The following CCDC91 variants were observed in gnomAD, a reference collection of about 807,000 sequenced individuals.
CCDC91 encodes coiled-coil domain-containing protein 91.
CCDC91 carries 48 observed loss-of-function variants against 63.2 expected under a neutral mutation model. That is an observed-to-expected ratio of 0.76 (90% confidence interval 0.60 to 0.97). CCDC91 has a LOEUF of 0.97. CCDC91 is among the 50% of genes least tolerant of loss of function. CCDC91 has a pLI of 0.00. For missense variants in CCDC91, 500 were observed against 494.6 expected (o/e 1.01, Z -0.10); for synonymous variants, 167 against 165.8 (o/e 1.01, Z -0.06).
intron 7 of CCDC91, among the ~76,000 whole-genome samples, chr12:28,371,080 T>TTGGTATAAAGTCTATTTTTTTC (rs1944589661): frequency 6.6e-6 from 1 of 152,166 alleles, no homozygotes; most frequent in Non-Finnish European, 1.5e-5. Context: ...AGATTTTTTT[T>TTGGTATAAAGTCTATTTTTTTC]TTGGTATAAA....
chr12:28,417,008 A>G (rs549221846), intron 8 of CCDC91, among the ~76,000 whole-genome samples: 1 of 151,790 alleles, frequency 6.6e-6, no homozygotes, highest in Non-Finnish European at 1.5e-5. Context: ...ATGTATATGG[A>G]TCTCTTGAGC....
chr12:28,465,944 T>C (rs1950528020), intron 11 of CCDC91, among the ~76,000 whole-genome samples: 1 of 152,082 alleles, frequency 6.6e-6, no homozygotes, highest in Non-Finnish European at 1.5e-5. Flanking sequence ...GAATTCAGAA[T>C]TCTATCAGGT....
At chr12:28,332,912 T>C (rs138990309) in intron 6 of CCDC91, among the ~76,000 whole-genome samples, 42 of 152,234 alleles carry the variant, frequency 2.8e-4, no homozygotes, top group Non-Finnish European at 4.3e-4. Flanking sequence ...GGCAGCACCT[T>C]ACTACTATGC....
intron 1 of CCDC91, among the ~76,000 whole-genome samples, chr12:28,221,204 T>C (rs557709276): frequency 1.3e-5 from 2 of 152,262 alleles, no homozygotes; most frequent in South Asian, 4.1e-4. Context: ...ATCTTTTATG[T>C]TTTTTGTTTC....
Position 28,205,173 on chromosome 12 carries a change from TAGAGAGAAAGGAGAGTGA to T in CCDC91, c.-15+14541_-15+14558del, listed in dbSNP as rs1942750305. On this transcript the variant is annotated intron_variant, in intron 1 of 12. Transcript: ENST00000536442. ...GTTTTGTCAGGAATATGCTCAATTA[TAGAGAGAAAGGAGAGTGA>T]AGAGAGAAGGGAGAATGAAGAGGGA... 3.3e-5 allele frequency among the ~76,000 whole-genome samples: 5 copies of T among 151,922 alleles called. No homozygotes were observed. In the South Asian group the frequency reaches 1.0e-3, roughly 32 times the overall value.
intron 7 of CCDC91, among the ~76,000 whole-genome samples, chr12:28,366,415 A>G (rs1182281060): frequency 6.6e-6 from 1 of 152,234 alleles, no homozygotes; most frequent in East Asian, 1.9e-4. Flanking sequence ...AGTAAGACAG[A>G]AAACTATTAG....
intron 12 of CCDC91, among the ~76,000 whole-genome samples, chr12:28,534,771 A>AG (rs1209185457): frequency 1.3e-5 from 2 of 152,188 alleles, no homozygotes; most frequent in Non-Finnish European, 2.9e-5. Flanking sequence ...GCTATATTTG[A>AG]GAAAAACTAC....
chr12:28,439,232 G>C lies in CCDC91; in HGVS notation c.763-10929G>C, dbSNP rs554095431. 2.6e-5 allele frequency among the ~76,000 whole-genome samples: 4 copies of C among 152,162 alleles called. No homozygotes were observed. The South Asian group carries it at 8.3e-4, about 32-fold the overall frequency. On this transcript the variant is annotated intron_variant, in intron 8 of 12. Coordinates refer to ENST00000536442, the MANE Select transcript of CCDC91 (RefSeq NM_018318.5). ...AAGAAGCTTATTGCTATTATTTTGG[G>C]CTTGTGGTAACTTCTTTAAGTAGAT... is the stretch of plus-strand genomic sequence containing the variant.
chr12:28,312,661 C>T (rs1363896249), intron 6 of CCDC91, among the ~76,000 whole-genome samples: 5 of 151,972 alleles, frequency 3.3e-5, no homozygotes, highest in Admixed American at 6.6e-5. Context: ...GGCTGTGTCC[C>T]CACTCAAATC....
At chr12:28,258,209 A>G (rs548748302) in intron 2 of CCDC91, among the ~76,000 whole-genome samples, 1 of 151,988 alleles carries the variant, frequency 6.6e-6, no homozygotes, top group East Asian at 1.9e-4. Flanking sequence ...TATGCTTAAT[A>G]TTTTGGTTTT....
At chr12:28,415,245 TGGA>T (rs1947570762) in intron 8 of CCDC91, among the ~76,000 whole-genome samples, 1 of 151,484 alleles carries the variant, frequency 6.6e-6, no homozygotes, top group Non-Finnish European at 1.5e-5. Flanking sequence ...TTTTTTGAGA[TGGA>T]GTTTTGCTGT....
chr12:28,399,852 G>A (rs146856279), intron 8 of CCDC91, among the ~76,000 whole-genome samples: 1 of 152,330 alleles, frequency 6.6e-6, no homozygotes, highest in East Asian at 1.9e-4. Context: ...GCCTTGGGAA[G>A]CTCTACTCCT....
At chr12:28,289,405 G>T (rs186440294) in intron 3 of CCDC91, among the ~76,000 whole-genome samples, 89 of 152,136 alleles carry the variant, frequency 5.9e-4, no homozygotes, top group African/African-American at 2.0e-3. Context: ...AGTTTCAAAA[G>T]ACTTCTTGAT....
chr12:28,498,533 A>G (rs1952437933), intron 12 of CCDC91, among the ~76,000 whole-genome samples: 1 of 151,700 alleles, frequency 6.6e-6, no homozygotes, highest in African/African-American at 2.4e-5. Flanking sequence ...CATGTCACAC[A>G]GTCAAACTCA....
chr12:28,235,619 T>C (rs1344793820), intron 1 of CCDC91, among the ~76,000 whole-genome samples: 1 of 148,972 alleles, frequency 6.7e-6, no homozygotes, highest in East Asian at 2.0e-4. Context: ...ACGAGGAAAA[T>C]GAAGCTCAGT....
chr12:28,198,169 C>T (rs1040599935), intron 1 of CCDC91, among the ~76,000 whole-genome samples: 2 of 152,108 alleles, frequency 1.3e-5, no homozygotes, highest in South Asian at 2.1e-4. Flanking sequence ...GTGTCTACCA[C>T]CTCCTATGTT....
At chr12:28,528,781 A>G (rs1160139246) in intron 12 of CCDC91, among the ~76,000 whole-genome samples, 4 of 152,038 alleles carry the variant, frequency 2.6e-5, no homozygotes, top group African/African-American at 9.7e-5. Context: ...TTGCCCTGTC[A>G]CTCAGGCTGG....
chr12:28,315,293 G>A (rs1316621805), intron 6 of CCDC91, among the ~76,000 whole-genome samples: 1 of 151,804 alleles, frequency 6.6e-6, no homozygotes, highest in East Asian at 1.9e-4. Context: ...AGCCTCTGAA[G>A]CAGCTGGAAT....
intron 7 of CCDC91, among the ~76,000 whole-genome samples, chr12:28,372,914 T>C (rs1342542308): frequency 2.0e-5 from 3 of 152,134 alleles, no homozygotes; most frequent in Non-Finnish European, 4.4e-5. Context: ...TTTCAGGTCT[T>C]AGAGGAAATA....
Sources: gnomAD v4.1 joint callset for allele counts (sites outside exome capture counted in the v4.1 genomes callset) on GRCh38, gnomAD v4.1.1 for gene constraint, MANE v1.5 for transcripts, NCBI Gene and HGNC (gene_info 2026-07-23, HGNC 2026-07-21) for gene names.